URB1: variants seen among roughly 807,000 people sequenced by gnomAD.
URB1 encodes URB1 ribosome biogenesis factor.
In URB1, 197 loss-of-function variants were observed where a neutral mutation model predicts 242.3. The ratio of observed to expected loss-of-function variants is 0.81; its 90% CI spans 0.72 to 0.91. The LOEUF is 0.91. Ranked by LOEUF, URB1 falls within the 40% of genes least tolerant of loss-of-function variation. The pLI is 0.00. For synonymous variants in URB1, 1,153 were observed against 1,201.8 expected, an observed-to-expected ratio of 0.96 and a Z score of 0.84; for missense variants, 2,721 against 2,860.5, an observed-to-expected ratio of 0.95 and a Z score of 1.11.
At chr21:32,388,369 C>G (rs946595613) in intron 1 of URB1, among the ~76,000 whole-genome samples, 2 of 152,208 alleles carry the variant, frequency 1.3e-5, no homozygotes, top group Non-Finnish European at 2.9e-5. Flanking sequence ...AGCAGCCCCC[C>G]GGGTGTCCTC....
Position 32,368,576 on chromosome 21 carries a change from G to GC in URB1, c.1023dup (p.His342AlafsTer11), listed in dbSNP as rs1555840928. 1 of 1,550,952 alleles carries GC rather than the reference G, an allele frequency of 6.4e-7. No individual in the cohort carries two copies. Among genetic ancestry groups the GC allele is most frequent in the Non-Finnish European group, 8.7e-7 (1 of 1,146,756 alleles). ...GCAGTTTTCAAACCCAGCAAGAAGT[G>GC]CAAGAGTGTCAGGTTTCCGCCTCTG... On this transcript the variant is annotated frameshift_variant, in exon 9 of 39. Coordinates refer to ENST00000382751, the MANE Select transcript of URB1 (RefSeq NM_014825.3). LOFTEE classifies it high-confidence loss of function.
At chr21:32,365,850 C>A (rs1427442516) in intron 10 of URB1, among the ~76,000 whole-genome samples, 1 of 152,248 alleles carries the variant, frequency 6.6e-6, no homozygotes, top group Non-Finnish European at 1.5e-5. Flanking sequence ...CCTGTTCCTA[C>A]TGAAGCCACA....
intron 14 of URB1, among the ~76,000 whole-genome samples, chr21:32,359,266 A>T (rs1354946028): frequency 6.6e-6 from 1 of 152,208 alleles, no homozygotes; most frequent in Admixed American, 6.5e-5. Context: ...GCTTAAGCCC[A>T]GCATAAATAT....
In URB1 at chr21:32,393,000, C is replaced by A. The variant is rs2033658891; in HGVS notation, c.-90G>T. On this transcript the variant is annotated 5_prime_UTR_variant, in exon 1 of 39. Transcript: ENST00000382751. Reference sequence around the variant, plus strand: ...CAGACAGCAGACACGCGCTTCAGGCCCACATGGCGCAGGAAGAGGCGGGGC... The same window carrying A: ...CAGACAGCAGACACGCGCTTCAGGCACACATGGCGCAGGAAGAGGCGGGGC... 2.2e-6 allele frequency: 3 copies of A among 1,390,182 alleles called. No individual in the cohort carries two copies. The East Asian group carries it at 8.2e-5, about 38-fold the overall frequency. The allele number at this position is 1,390,182 out of a possible 1,614,324, so 86.1% of individuals were successfully genotyped here.
In URB1 at chr21:32,321,907, C is replaced by T. The variant is rs774444826; in HGVS notation, c.5378G>A (p.Arg1793Gln). ...TEQKWVFGVL[R>Q]QGIRDKQCYE... Reference sequence around the variant, plus strand: ...GCACTGCTTGTCACGGATCCCCTGCCGCAGAACGCCAAACACCCACTTCTG... The same window carrying T: ...GCACTGCTTGTCACGGATCCCCTGCTGCAGAACGCCAAACACCCACTTCTG... The change falls in exon 34 of 39, where the codon CGG becomes CAG. Residue 1793 changes from arginine to glutamine, a missense_variant. Coordinates refer to ENST00000382751, the MANE Select transcript of URB1 (RefSeq NM_014825.3). The T allele has an allele frequency of 2.8e-5, 43 of 1,551,530 alleles. No homozygotes were observed. The South Asian group carries it at 3.7e-4, about 13-fold the overall frequency.
intron 30 of URB1, 66 bp from the exon 31 acceptor site, chr21:32,325,455 G>A: frequency 6.7e-7 from 1 of 1,488,418 alleles, no homozygotes; most frequent in East Asian, 2.5e-5. Flanking sequence ...TTAACCTGGA[G>A]AATTAAATTT....
intron 20 of URB1, among the ~76,000 whole-genome samples, chr21:32,350,481 C>CCAGG (rs1331583580): frequency 1.3e-5 from 2 of 152,238 alleles, no homozygotes; most frequent in Non-Finnish European, 2.9e-5. Context: ...TCTGTCTTGA[C>CCAGG]CAGGCTGCCC....
At chr21:32,363,941 C>T (rs1432867950) in intron 10 of URB1, among the ~76,000 whole-genome samples, 8 of 151,942 alleles carry the variant, frequency 5.3e-5, no homozygotes, top group Non-Finnish European at 1.0e-4. Flanking sequence ...TGAGTGTGAA[C>T]CACTGTGCCT....
chr21:32,377,986 A>AT (rs2033478102), intron 5 of URB1, among the ~76,000 whole-genome samples: 1 of 152,210 alleles, frequency 6.6e-6, no homozygotes, highest in East Asian at 1.9e-4. Context: ...ACAGCCACCA[A>AT]AAGGTGGTCA....
At chr21:32,364,178 C>CCAG in intron 10 of URB1, among the ~76,000 whole-genome samples, 1 of 152,164 alleles carries the variant, frequency 6.6e-6, no homozygotes, top group African/African-American at 2.4e-5. Flanking sequence ...GGGAGAGTCA[C>CCAG]TCACTGCAGA....
chr21:32,338,972 T>G, intron 25 of URB1, 72 bp from the exon 26 acceptor site: 1 of 1,358,180 alleles, frequency 7.4e-7, no homozygotes. Flanking sequence ...ACAATAAAGA[T>G]TCTTTTTCTC....
At chr21:32,365,115 G>C (rs1289134929) in intron 10 of URB1, among the ~76,000 whole-genome samples, 3 of 152,232 alleles carry the variant, frequency 2.0e-5, no homozygotes, top group Non-Finnish European at 4.4e-5. Flanking sequence ...ACTACTAGGA[G>C]CAAGCTTGGA....
In URB1 at chr21:32,313,007, A is replaced by T. The variant is rs1211831161; in HGVS notation, c.*1911T>A. The stretch of plus-strand genomic sequence containing the variant: ...GGCAGTGGATTTAAAAGGGAGAACA[A>T]AGAAAAGCAAGACTGATGAGCTCCA... On this transcript the variant is annotated 3_prime_UTR_variant, in exon 39 of 39. Transcript: ENST00000382751. 1 of 152,288 alleles carries T rather than the reference A, an allele frequency of 6.6e-6. No homozygotes were observed. The highest frequency in any genetic ancestry group is 2.4e-5 in the African/African-American group (1 of 41,470). The allele number at this position is 152,288 out of a possible 1,614,324, so 9.4% of individuals were successfully genotyped here.
intron 4 of URB1, among the ~76,000 whole-genome samples, chr21:32,381,025 G>A (rs777495155): frequency 5.9e-5 from 9 of 152,122 alleles, no homozygotes; most frequent in South Asian, 4.1e-4. Context: ...CAAATTTCAC[G>A]TCCTGACATG....
chr21:32,351,832 AC>A (rs2033161939), intron 19 of URB1, among the ~76,000 whole-genome samples: 1 of 152,192 alleles, frequency 6.6e-6, no homozygotes, highest in Admixed American at 6.5e-5. Context: ...GAAGGTGGCA[AC>A]ATTATGGGTC....
chr21:32,324,778 C>T (rs747573084), intron 31 of URB1, among the ~76,000 whole-genome samples, 176 bp from the exon 32 acceptor site: 7 of 152,134 alleles, frequency 4.6e-5, no homozygotes, highest in Non-Finnish European at 8.8e-5. Context: ...ATCTCCGGAA[C>T]GCTTTTCGTT....
chr21:32,363,672 T>C (rs1183850052), intron 10 of URB1, among the ~76,000 whole-genome samples: 2 of 152,164 alleles, frequency 1.3e-5, no homozygotes, highest in African/African-American at 2.4e-5. Context: ...TGCCACTATT[T>C]TTTTTTTGAG....
At chr21:32,324,409 A>G in intron 32 of URB1, 82 bp downstream of exon 32, 1 of 1,136,294 alleles carries the variant, frequency 8.8e-7, no homozygotes, top group Middle Eastern at 1.9e-4. Context: ...GACCCACTAT[A>G]CCTGTGGGAC....
At chr21:32,362,622 G>A (rs866608712) in intron 11 of URB1, among the ~76,000 whole-genome samples, 14 of 152,160 alleles carry the variant, frequency 9.2e-5, no homozygotes, top group African/African-American at 3.1e-4. Flanking sequence ...AAGACACAGG[G>A]AACAAAGAAA....
Sources: gnomAD v4.1 joint callset for allele counts (sites outside exome capture counted in the v4.1 genomes callset) on GRCh38, gnomAD v4.1.1 for gene constraint, MANE v1.5 for transcripts, NCBI Gene and HGNC (gene_info 2026-07-23, HGNC 2026-07-21) for gene names.